PGK1: variants seen among roughly 807,000 people sequenced by gnomAD.
PGK1 encodes phosphoglycerate kinase 1.
A neutral mutation model predicts 26.9 loss-of-function variants in PGK1; 3 were observed. That is an observed-to-expected ratio of 0.11 (90% confidence interval 0.05 to 0.29). The LOEUF (loss-of-function observed/expected upper bound fraction) is 0.29. Among genes scored for constraint, PGK1 ranks in the 10% least tolerant of loss-of-function variants. PGK1 has a pLI of 1.00. For missense variants in PGK1, 270 were observed against 314.7 expected, an observed-to-expected ratio of 0.86 and a Z score of 1.07; for synonymous variants, 125 against 115.3, an observed-to-expected ratio of 1.08 and a Z score of -0.54.
Position 78,129,220 on chromosome X carries a change from C to CTATCTATCTATCTATCTAT in PGK1, c.*3390_*3391insTATCTATCTATCTATCTAT, listed in dbSNP as rs1557249062. 1.9e-4 allele frequency: 19 copies of CTATCTATCTATCTATCTAT among 100,063 alleles called. No homozygotes were observed. The highest frequency in any genetic ancestry group is 6.8e-4 in the African/African-American group (18 of 26,620). The allele number at this position is 100,063 out of a possible 1,213,427, so 8.2% of individuals were successfully genotyped here. On this transcript the variant is annotated 3_prime_UTR_variant, in exon 11 of 11. Coordinates refer to ENST00000373316, the MANE Select transcript of PGK1 (RefSeq NM_000291.4). ...CATAAAGAGCATACCCATGTGTGTA[C>CTATCTATCTATCTATCTAT]CTATCTATCTATCTATCTATCTATC...
Position 78,104,373 on chromosome X carries a change from G to A in PGK1, c.33G>A (p.Lys11=), listed in dbSNP as rs2078257744. 3 of 1,205,916 alleles carry A rather than the reference G, an allele frequency of 2.5e-6. No homozygotes were observed. The Admixed American group carries it at 6.5e-5, about 26-fold the overall frequency. ...TTTCTAACAAGCTGACGCTGGACAA[G>A]CTGGACGTTAAAGGGAAGCGGGTCG... MSLSNKLTLD[K]LDVKGKRVVM... is the part of the protein sequence containing the mutation. The change falls in exon 1 of 11, where the codon AAG becomes AAA. Residue 11 remains lysine, a synonymous_variant. Transcript: ENST00000373316.
Position 78,127,930 on chromosome X carries a change from C to G in PGK1, c.*2100C>G, listed in dbSNP as rs2078390059. On this transcript the variant is annotated 3_prime_UTR_variant, in exon 11 of 11. Transcript: ENST00000373316. ...GTTTTAAAAATTATTTCAAATGGAA[C>G]TGAAAGAAGCATAAACTCCCATAAA... 8.9e-6 allele frequency: 1 copy of G among 112,009 alleles called. No homozygotes were observed. Among genetic ancestry groups the G allele is most frequent in the Admixed American group, 9.5e-5 (1 of 10,536 alleles). 9.2% of individuals were successfully genotyped at this position (112,009 alleles called of 1,213,427 possible).
chrX:78,123,126 T>C, intron 7 of PGK1, 69 bp from the exon 8 acceptor site: 1 of 871,901 alleles, frequency 1.1e-6, no homozygotes, highest in Non-Finnish European at 1.7e-6. Context: ...CTGGTTCCTG[T>C]CTGCTTTGTG....
chrX:78,125,342 C>G lies in PGK1; in HGVS notation c.1130C>G (p.Ala377Gly). The G allele has an allele frequency of 8.3e-7, 1 of 1,200,857 alleles. No individual in the cohort carries two copies. The highest frequency in any genetic ancestry group is 1.7e-5 in the African/African-American group (1 of 57,407). The change falls in exon 10 of 11, where the codon GCC becomes GGC. Residue 377 changes from alanine (A) to glycine (G), a missense_variant. By Grantham distance (60) the Ala-to-Gly change is moderately conservative. Transcript: ENST00000373316. The part of the protein sequence containing the change: ...CITIIGGGDT[A>G]TCCAKWNTED... ...CATTCAACAGGTGGTGGAGACACTGCCACTTGCTGTGCCAAATGGAACACG... is the reference window on the plus strand; with the variant it reads ...CATTCAACAGGTGGTGGAGACACTGGCACTTGCTGTGCCAAATGGAACACG...
At position 78,119,708 on chromosome X, in the gene PGK1, C is replaced by T. The variant is rs782787161; in HGVS notation, c.641+1538C>T. ...TTGGCAGTTCCACCCTCGCTCGCCT[C>T]TCTCTTGCCACCATGTAAGATGTGA... is the stretch of plus-strand genomic sequence containing the variant. On this transcript the variant is annotated intron_variant, in intron 6 of 10. Coordinates refer to ENST00000373316, the MANE Select transcript of PGK1 (RefSeq NM_000291.4). 9.0e-4 allele frequency among the ~76,000 whole-genome samples: 101 copies of T among 111,967 alleles called. 1 individual carries two copies. In the Middle Eastern group the frequency reaches 0.018, roughly 20 times the overall value.
chrX:78,117,837 A>G (rs782210350), intron 5 of PGK1, among the ~76,000 whole-genome samples: 14 of 112,526 alleles, frequency 1.2e-4, no homozygotes, highest in Non-Finnish European at 2.3e-4. Context: ...ATTCTACCTA[A>G]GTTCATTACT....
chrX:78,104,792 C>T (rs1024734321), intron 1 of PGK1, among the ~76,000 whole-genome samples: 3 of 111,896 alleles, frequency 2.7e-5, no homozygotes, highest in Non-Finnish European at 5.6e-5. Context: ...TTTTACTTTC[C>T]CTTCCCCCAC....
At chrX:78,109,259 C>G (rs1442793191) in intron 1 of PGK1, among the ~76,000 whole-genome samples, 3 of 111,554 alleles carry the variant, frequency 2.7e-5, no homozygotes, top group African/African-American at 9.8e-5. Context: ...TGAAGGACCC[C>G]TAGTCTTAAG....
At chrX:78,115,836 T>C (rs1403637505) in intron 4 of PGK1, among the ~76,000 whole-genome samples, 1 of 111,573 alleles carries the variant, frequency 9.0e-6, no homozygotes, top group Admixed American at 9.5e-5. Context: ...AGCTTTCAAT[T>C]TACCCTGTTT....
intron 6 of PGK1, among the ~76,000 whole-genome samples, chrX:78,122,409 TTGTGTGTGTGTGTGTGTGTGTG>T (rs201442984): frequency 3.3e-4 from 29 of 88,959 alleles, no homozygotes; most frequent in African/African-American, 1.2e-3. Flanking sequence ...TGCTCTGAAT[TTGTGTGTGTGTGTGTGTGTGTG>T]TGTGTGTGTG....
At chrX:78,118,601 T>TAAATAAATAAATAAAC (rs1272522622) in intron 6 of PGK1, among the ~76,000 whole-genome samples, 7 of 109,007 alleles carry the variant, frequency 6.4e-5, no homozygotes, top group African/African-American at 2.3e-4. Context: ...AATAAATAAA[T>TAAATAAATAAATAAAC]AAACAAACAA....
At chrX:78,121,731 T>TA (rs2078356162) in intron 6 of PGK1, among the ~76,000 whole-genome samples, 1 of 112,580 alleles carries the variant, frequency 8.9e-6, no homozygotes, top group Admixed American at 9.4e-5. Context: ...AGATGCAAGA[T>TA]ACATGTGTAT....
chrX:78,115,738 C>T (rs1013033150), intron 4 of PGK1, among the ~76,000 whole-genome samples: 4 of 112,410 alleles, frequency 3.6e-5, no homozygotes, highest in Non-Finnish European at 5.6e-5. Flanking sequence ...CTTTTAAGGG[C>T]CTTCTCTTTC....
intron 9 of PGK1, 57 bp downstream of exon 9, chrX:78,125,108 G>C (rs1471510557): frequency 9.7e-7 from 1 of 1,028,175 alleles, no homozygotes; most frequent in African/African-American, 1.9e-5. Context: ...TCTGATCAGA[G>C]GAAGGTGGAA....
chrX:78,110,060 C>G (rs2078292571), intron 2 of PGK1, 143 bp downstream of exon 2: 2 of 496,053 alleles, frequency 4.0e-6, no homozygotes, highest in East Asian at 7.0e-5. Context: ...ACTCTCTGAT[C>G]TGCTTTCTTA....
intron 6 of PGK1, among the ~76,000 whole-genome samples, chrX:78,120,964 A>C (rs782499749): frequency 2.7e-5 from 3 of 112,502 alleles, no homozygotes; most frequent in Non-Finnish European, 5.6e-5. Flanking sequence ...ATCTGAAAAT[A>C]TGAAATCTGA....
intron 6 of PGK1, among the ~76,000 whole-genome samples, chrX:78,118,775 G>GC (rs1195877449): frequency 9.1e-6 from 1 of 110,485 alleles, no homozygotes; most frequent in Non-Finnish European, 1.9e-5. Context: ...TGTGGAGAGA[G>GC]CTATCTGATG....
In PGK1 at chrX:78,128,891, C is replaced by G. The variant is rs1340279247; in HGVS notation, c.*3061C>G. ...CTCTGGAAGACCAGTTTCTTTCAAT[C>G]TAAGGCTATTTAATATACATTAAGA... On this transcript the variant is annotated 3_prime_UTR_variant, in exon 11 of 11. Coordinates refer to ENST00000373316, the MANE Select transcript of PGK1 (RefSeq NM_000291.4). 1 of 111,608 alleles carries G rather than the reference C, an allele frequency of 9.0e-6. No individual in the cohort carries two copies. Among genetic ancestry groups the G allele is most frequent in the Admixed American group, 9.5e-5 (1 of 10,494 alleles). The allele number at this position is 111,608 out of a possible 1,213,427, so 9.2% of individuals were successfully genotyped here. A position where few individuals can be genotyped will look rare whatever the true frequency, so the allele number is the denominator to read the frequency against.
Position 78,126,250 on chromosome X carries a change from TAA to T in PGK1, c.*423_*424del, listed in dbSNP as rs1309124736. ...AATTGATGATCCATTAAGTAAACAA[TAA>T]AAGTGTCCATTGAAACCGTGATTTT... On this transcript the variant is annotated 3_prime_UTR_variant, in exon 11 of 11. Transcript: ENST00000373316. The T allele has an allele frequency of 3.4e-5, 5 of 146,511 alleles. No homozygotes were observed. The highest frequency in any genetic ancestry group is 6.7e-5 in the Non-Finnish European group (5 of 74,580). 12.1% of individuals were successfully genotyped at this position (146,511 alleles called of 1,213,427 possible).
Sources: allele counts gnomAD v4.1 joint callset (sites outside exome capture counted in the v4.1 genomes callset), GRCh38; gene constraint gnomAD v4.1.1; transcripts MANE v1.5; gene names NCBI Gene and HGNC (gene_info 2026-07-23, HGNC 2026-07-21).